Variants in RXRA observed in about 807,000 individuals in gnomAD.
RXRA encodes retinoic acid receptor RXR-alpha.
In RXRA, 5 loss-of-function variants were observed where a neutral mutation model predicts 44.5. The ratio of observed to expected loss-of-function variants is 0.11; its 90% CI spans 0.06 to 0.24. The LOEUF (loss-of-function observed/expected upper bound fraction) is 0.24. Ranked by LOEUF, RXRA falls within the 10% of genes least tolerant of loss-of-function variation. RXRA has a pLI of 1.00. For synonymous variants in RXRA, 291 were observed against 271.4 expected (o/e 1.07, Z -0.71); for missense variants, 412 against 646.5 (o/e 0.64, Z 3.93).
rs578145423 is a variant in RXRA, at chr9:134,410,744, GTC to G, written c.610+1629_610+1630del. 2.0e-5 allele frequency among the ~76,000 whole-genome samples: 3 copies of G among 152,352 alleles called. No individual in the cohort carries two copies. The East Asian group carries it at 5.8e-4, about 29-fold the overall frequency. On this transcript the variant is annotated intron_variant, in intron 4 of 9. Transcript: ENST00000481739. The stretch of plus-strand genomic sequence containing the variant: ...CCTCGTGTGCAGCCTTAGCCTGGCA[GTC>G]TCTGTGAGGATGCCACAGCACAGAG...
At chr9:134,420,995 G>A (rs572784719) in intron 5 of RXRA, among the ~76,000 whole-genome samples, 1 of 152,348 alleles carries the variant, frequency 6.6e-6, no homozygotes, top group East Asian at 1.9e-4. Context: ...AACGTGAGAG[G>A]CCAGCCCTGT....
intron 5 of RXRA, 64 bp from the exon 6 acceptor site, chr9:134,421,612 G>T (rs901421943): frequency 3.6e-5 from 54 of 1,510,586 alleles, no homozygotes; most frequent in Admixed American, 4.2e-5. Flanking sequence ...CCTGGTCTGG[G>T]CTGTGTTTGG....
At chr9:134,410,226 G>T (rs1375853110) in intron 4 of RXRA, among the ~76,000 whole-genome samples, 1 of 152,260 alleles carries the variant, frequency 6.6e-6, no homozygotes, top group Admixed American at 6.5e-5. Context: ...CCTTGTGCCT[G>T]CATAGCAGAG....
intron 1 of RXRA, among the ~76,000 whole-genome samples, chr9:134,338,555 G>T (rs1830041882): frequency 6.6e-6 from 1 of 152,250 alleles, no homozygotes; most frequent in African/African-American, 2.4e-5. Flanking sequence ...GCAGTCAGTG[G>T]CCAGGACCTG....
intron 1 of RXRA, among the ~76,000 whole-genome samples, chr9:134,355,816 C>G (rs1830276507): frequency 6.6e-6 from 1 of 152,162 alleles, no homozygotes; most frequent in African/African-American, 2.4e-5. Flanking sequence ...GAGAATTCCT[C>G]CCAGGGCCCT....
intron 4 of RXRA, among the ~76,000 whole-genome samples, chr9:134,413,124 C>T (rs1462200044): frequency 6.6e-6 from 1 of 152,162 alleles, no homozygotes; most frequent in East Asian, 1.9e-4. Context: ...GGGCAAGTGA[C>T]CTTGCCTCGC....
Position 134,426,003 on chromosome 9 carries a change from C to T in RXRA, c.911-3105C>T, listed in dbSNP as rs940553170. On this transcript the variant is annotated intron_variant, in intron 6 of 9. Coordinates refer to ENST00000481739, the MANE Select transcript of RXRA (RefSeq NM_002957.6). This position sits in a 1 kb window ranked among gnomAD's most constrained non-coding sequence, Gnocchi z 4.6. The stretch of plus-strand genomic sequence containing the variant: ...ACCCTTGACTCTGTGCTGTTCCTTC[C>T]GGAAGCGCTGTCCAGGGGTCCTGCA... 28 of 985,192 alleles carry T rather than the reference C, an allele frequency of 2.8e-5. 1 individual carries two copies. Among genetic ancestry groups the T allele is most frequent in the Admixed American group, 1.2e-4 (2 of 16,266 alleles). The allele number at this position is 985,192 out of a possible 1,614,324, so 61.0% of individuals were successfully genotyped here.
chr9:134,380,101 GC>G, intron 1 of RXRA: 1 of 985,460 alleles, frequency 1.0e-6, no homozygotes, highest in African/African-American at 1.7e-5. Context: ...GGTCAGTCGT[GC>G]CGCCTGAGGG....
Position 134,437,154 on chromosome 9 carries a change from C to T in RXRA, c.*540C>T, listed in dbSNP as rs1292925904. On this transcript the variant is annotated 3_prime_UTR_variant, in exon 10 of 10. Coordinates refer to ENST00000481739, the MANE Select transcript of RXRA (RefSeq NM_002957.6). Reference sequence around the variant, plus strand: ...GCTGGTGTGTCATCAGCAAAGACCTCAGCCGCCTCGGGGATGAGAGGGGAC... The same window carrying T: ...GCTGGTGTGTCATCAGCAAAGACCTTAGCCGCCTCGGGGATGAGAGGGGAC... 1 of 158,398 alleles carries T rather than the reference C, an allele frequency of 6.3e-6. No homozygotes were observed. Among genetic ancestry groups the T allele is most frequent in the African/African-American group, 2.4e-5 (1 of 41,492 alleles). The allele number at this position is 158,398 out of a possible 1,614,324, so 9.8% of individuals were successfully genotyped here.
In RXRA at chr9:134,439,299, C is replaced by A. The variant is rs1029475996; in HGVS notation, c.*2685C>A. The A allele has an allele frequency of 6.6e-6, 1 of 152,234 alleles. No homozygotes were observed. Among genetic ancestry groups the A allele is most frequent in the African/African-American group, 2.4e-5 (1 of 41,448 alleles). 9.4% of individuals were successfully genotyped at this position (152,234 alleles called of 1,614,324 possible). ...GGCTGCTTCCTGGGGACCCAGGGCA[C>A]CCCGGCACCTTCAGGCACGCTCCTC... On this transcript the variant is annotated 3_prime_UTR_variant, in exon 10 of 10. Transcript: ENST00000481739.
chr9:134,376,731 C>T (rs762531287), intron 1 of RXRA, among the ~76,000 whole-genome samples: 1 of 31,440 alleles, frequency 3.2e-5, no homozygotes, highest in Non-Finnish European at 8.0e-5. Context: ...GGGCACTGGG[C>T]ATGGAAATGA....
At chr9:134,419,412 G>A (rs948719358) in intron 5 of RXRA, among the ~76,000 whole-genome samples, 8 of 152,194 alleles carry the variant, frequency 5.3e-5, no homozygotes, top group East Asian at 1.9e-4. Flanking sequence ...TAAAGGACAC[G>A]TCTTCCACGG....
intron 9 of RXRA, 42 bp downstream of exon 9, chr9:134,434,249 C>G (rs548043017): frequency 1.4e-6 from 2 of 1,467,924 alleles, no homozygotes; most frequent in East Asian, 4.6e-5. Context: ...GACCCAGGCT[C>G]TTGTCTCCAG....
intron 6 of RXRA, chr9:134,424,845 A>T (rs1406265834): frequency 3.0e-6 from 3 of 985,304 alleles, no homozygotes; most frequent in Non-Finnish European, 1.2e-6. Flanking sequence ...ACCAGGGGTG[A>T]TCCTGCTGGG....
At chr9:134,396,771 C>T (rs572093084) in intron 1 of RXRA, among the ~76,000 whole-genome samples, 6 of 152,330 alleles carry the variant, frequency 3.9e-5, no homozygotes, top group Middle Eastern at 3.4e-3. Context: ...CTTCCTGGGG[C>T]GCCAGATTGG....
chr9:134,331,912 G>T (rs1423019593), intron 1 of RXRA, among the ~76,000 whole-genome samples: 2 of 152,244 alleles, frequency 1.3e-5, no homozygotes, highest in African/African-American at 2.4e-5. Context: ...GACCAGGCTG[G>T]GTCTATGCCC....
At position 134,429,649 on chromosome 9, in the gene RXRA, G is replaced by A. The variant is rs35548617; in HGVS notation, c.1043+409G>A. Reference sequence around the variant, plus strand: ...AGCCCGGGGCGTGGTGCGGCCTAACGCCTGTCCCCGTGCAGGCAGGGGTGT... The same window carrying A: ...AGCCCGGGGCGTGGTGCGGCCTAACACCTGTCCCCGTGCAGGCAGGGGTGT... On this transcript the variant is annotated intron_variant, in intron 7 of 9. Coordinates refer to ENST00000481739, the MANE Select transcript of RXRA (RefSeq NM_002957.6). 3.7e-4 allele frequency among the ~76,000 whole-genome samples: 56 copies of A among 152,292 alleles called. No homozygotes were observed. In the South Asian group the frequency reaches 6.0e-3, roughly 16 times the overall value.
intron 1 of RXRA, among the ~76,000 whole-genome samples, chr9:134,359,510 G>A (rs913467046): frequency 1.3e-5 from 2 of 152,132 alleles, no homozygotes; most frequent in African/African-American, 2.4e-5. Context: ...ATAAGTCATC[G>A]CATTATTCCT....
chr9:134,346,192 C>T (rs1830149145), intron 1 of RXRA, among the ~76,000 whole-genome samples: 1 of 152,176 alleles, frequency 6.6e-6, no homozygotes, highest in Non-Finnish European at 1.5e-5. Context: ...TTTAGTTCCT[C>T]CTGTTCCGCT....
Sources: allele counts gnomAD v4.1 joint callset (sites outside exome capture counted in the v4.1 genomes callset), GRCh38; gene constraint gnomAD v4.1.1; non-coding constraint Gnocchi (gnomAD v3.1); transcripts MANE v1.5; gene names NCBI Gene and HGNC (gene_info 2026-07-23, HGNC 2026-07-21).